The following F13B variants were observed in gnomAD, a reference collection of about 807,000 sequenced individuals.
F13B encodes coagulation factor XIII B chain.
A neutral mutation model predicts 79.8 loss-of-function variants in F13B; 58 were observed. The observed-to-expected ratio is 0.73, with a 90% CI of 0.59 to 0.90. The LOEUF (loss-of-function observed/expected upper bound fraction) is 0.90, where lower values mean the gene tolerates loss of function less well. F13B is among the 40% of genes least tolerant of loss of function. F13B has a pLI of 0.00. For synonymous variants in F13B, 283 were observed against 260.3 expected, an observed-to-expected ratio of 1.09 and a Z score of -0.84; for missense variants, 773 against 777.0, an observed-to-expected ratio of 0.99 and a Z score of 0.06.
rs1315186828 is a variant in F13B, at chr1:197,052,676, A to G, written c.1513T>C (p.Cys505Arg). The G allele has an allele frequency of 1.2e-6, 2 of 1,611,944 alleles. No individual in the cohort carries two copies. Among genetic ancestry groups the G allele is most frequent in the Non-Finnish European group, 8.5e-7 (1 of 1,178,754 alleles). Residue 505 changes from cysteine to arginine, a missense_variant, in exon 9 of 12, where the codon TGC becomes CGC. By Grantham distance (180) the Cys-to-Arg change is radical (BLOSUM62 -3). Coordinates refer to ENST00000367412, the MANE Select transcript of F13B (RefSeq NM_001994.3). ...LTPLSELSVQ[C>R]NRGEVKYPLC... ...GGATATTTCACTTCTCCTCTGTTGC[A>G]CTGCACAGATAATTCAGACAATGGG...
Position 197,060,513 on chromosome 1 carries a change from C to T in F13B, c.658G>A (p.Glu220Lys). 6.3e-7 allele frequency: 1 copy of T among 1,598,270 alleles called. No homozygotes were observed. Among genetic ancestry groups the T allele is most frequent in the African/African-American group, 1.3e-5 (1 of 74,360 alleles). The change falls in exon 5 of 12, where the codon GAA becomes AAA. Residue 220 changes from glutamate (E) to lysine (K), a missense_variant. Transcript: ENST00000367412. ...TTTACAGGATGAAAATAACCATTTT[C>T]AATTAATCTTAAAGAAGAGCACTTT... Reference protein sequence around the residue: ...KLKCSSLRLIENGYFHPVKQT... With the variant: ...KLKCSSLRLIKNGYFHPVKQT...
chr1:197,064,031 G>A (rs966056493), intron 1 of F13B, among the ~76,000 whole-genome samples: 2 of 152,044 alleles, frequency 1.3e-5, no homozygotes, highest in Admixed American at 1.3e-4. Flanking sequence ...TGGCAAAATA[G>A]GATATTTAAA....
At position 197,040,559 on chromosome 1, in the gene F13B, C is replaced by T. The variant is rs931543503; in HGVS notation, c.1915G>A (p.Gly639Arg). The T allele has an allele frequency of 1.9e-6, 3 of 1,612,556 alleles. No individual in the cohort carries two copies. The highest frequency in any genetic ancestry group is 2.2e-5 in the East Asian group (1 of 44,770). ...ATACATCTTGGATATTTTAACTGCC[C>T]TCTGTCACATTGCATTCTAAGTATA... ...GSILRMQCDRGQLKYPRCIPR... is the reference protein window; with the variant it reads ...GSILRMQCDRRQLKYPRCIPR... The change falls in exon 11 of 12, where the codon GGG becomes AGG. Residue 639 changes from glycine (G) to arginine (R), a missense_variant. Coordinates refer to ENST00000367412, the MANE Select transcript of F13B (RefSeq NM_001994.3).
intron 10 of F13B, among the ~76,000 whole-genome samples, chr1:197,041,762 C>A (rs1279936250): frequency 6.6e-6 from 1 of 152,160 alleles, no homozygotes; most frequent in Non-Finnish European, 1.5e-5. Context: ...CTCAACTAAA[C>A]ATTTATTATA....
At chr1:197,045,652 T>C (rs1056749161) in intron 10 of F13B, among the ~76,000 whole-genome samples, 36 of 152,134 alleles carry the variant, frequency 2.4e-4, no homozygotes, top group African/African-American at 8.7e-4. Context: ...CCTCCCTAAT[T>C]CATTTAATGA....
At chr1:197,046,566 C>T (rs1485327488) in intron 10 of F13B, among the ~76,000 whole-genome samples, 1 of 152,110 alleles carries the variant, frequency 6.6e-6, no homozygotes, top group Non-Finnish European at 1.5e-5. Flanking sequence ...GAATCAATAT[C>T]GTGAAAATGG....
In F13B at chr1:197,062,819, A is replaced by T. The variant is rs746335306; in HGVS notation, c.265+38T>A. 3.8e-6 allele frequency: 6 copies of T among 1,596,148 alleles called. No homozygotes were observed. The African/African-American group carries it at 5.4e-5, about 14-fold the overall frequency. ...CTATTTTTATATACAAATTTCTTTGAGTATTGAAACATTGAGTGACATATC... is the reference window on the plus strand; with the variant it reads ...CTATTTTTATATACAAATTTCTTTGTGTATTGAAACATTGAGTGACATATC... On this transcript the variant is annotated intron_variant, in intron 2 of 11. Transcript: ENST00000367412.
At chr1:197,047,472 A>T (rs1307475495) in intron 10 of F13B, among the ~76,000 whole-genome samples, 1 of 152,230 alleles carries the variant, frequency 6.6e-6, no homozygotes, top group Non-Finnish European at 1.5e-5. Context: ...AATGGCGATC[A>T]TTAAAATGTC....
In F13B at chr1:197,040,700, T is replaced by G. The variant is rs1558302023; in HGVS notation, c.1774A>C (p.Asn592His). 6.2e-7 allele frequency: 1 copy of G among 1,612,454 alleles called. No individual in the cohort carries two copies. The highest frequency in any genetic ancestry group is 1.1e-5 in the South Asian group (1 of 90,994). ...CTLSFTEMEKNNLLLKWDFDN... is the reference protein window; with the variant it reads ...CTLSFTEMEKHNLLLKWDFDN... ...AAATCCCATTTCAGAAGTAAATTAT[T>G]CTTTTCCATTTCAGTAAAAGATAAT... Residue 592 changes from asparagine to histidine, a missense_variant, in exon 11 of 12, where the codon AAT (asparagine) becomes CAT (histidine). Asn to His is a moderately conservative substitution (Grantham distance 68). Transcript: ENST00000367412.
At chr1:197,049,927 T>G (rs963315902) in intron 10 of F13B, among the ~76,000 whole-genome samples, 1 of 152,136 alleles carries the variant, frequency 6.6e-6, no homozygotes, top group Non-Finnish European at 1.5e-5. Flanking sequence ...GTAATAATTA[T>G]GTAATTATTT....
Position 197,057,015 on chromosome 1 carries a change from A to T in F13B, c.1169T>A (p.Val390Asp), listed in dbSNP as rs1457415327. Residue 390 changes from valine (V) to aspartate (D), a missense_variant and splice_region_variant, in exon 7 of 12, where the codon GTT becomes GAT. Val to Asp is a radical substitution (Grantham distance 152, BLOSUM62 -3). Transcript: ENST00000367412. ...RGKWTLPPEC[V>D]ENNENCKHPP... ...GATGGTAAATGTAGCATACATACCA[A>T]CACACTCAGGAGGAAGTGTCCATTT... 1.9e-6 allele frequency: 3 copies of T among 1,613,250 alleles called. No individual in the cohort carries two copies. The highest frequency in any genetic ancestry group is 1.3e-5 in the African/African-American group (1 of 74,916).
chr1:197,062,167 C>T (rs918422558), intron 2 of F13B, among the ~76,000 whole-genome samples, 198 bp from the exon 3 acceptor site: 23 of 151,948 alleles, frequency 1.5e-4, no homozygotes, highest in African/African-American at 5.3e-4. Context: ...GTAATTTCTA[C>T]CCCTACCACA....
intron 10 of F13B, among the ~76,000 whole-genome samples, chr1:197,046,247 A>G (rs989252787): frequency 6.6e-6 from 1 of 152,196 alleles, no homozygotes; most frequent in African/African-American, 2.4e-5. Flanking sequence ...AGATAACATG[A>G]TTATATATTT....
At chr1:197,049,621 GT>G (rs1655367532) in intron 10 of F13B, among the ~76,000 whole-genome samples, 4 of 151,976 alleles carry the variant, frequency 2.6e-5, no homozygotes, top group Non-Finnish European at 5.9e-5. Context: ...GGCTTCTCTG[GT>G]TAACTCTTAA....
In F13B at chr1:197,061,187, A is replaced by G. The variant is rs1615413; in HGVS notation, c.452-112T>C. 0.49 allele frequency: 289,019 copies of G among 587,850 alleles called. 76,099 individuals are homozygous for G. The highest frequency in any genetic ancestry group is 0.83 in the East Asian group (24,795 of 29,846). 36.4% of individuals were successfully genotyped at this position (587,850 alleles called of 1,614,324 possible). A position where few individuals can be genotyped will look rare whatever the true frequency, so the allele number is the denominator to read the frequency against. ...AGAATACATGGTAAAATCAACTCTTAGCAAAATTGAAAAATAGCCCCAATT... is the reference window on the plus strand; with the variant it reads ...AGAATACATGGTAAAATCAACTCTTGGCAAAATTGAAAAATAGCCCCAATT... On this transcript the variant is annotated intron_variant, in intron 3 of 11. Transcript: ENST00000367412.
chr1:197,049,382 T>G (rs1655358032), intron 10 of F13B, among the ~76,000 whole-genome samples: 2 of 152,148 alleles, frequency 1.3e-5, no homozygotes, highest in East Asian at 1.9e-4. Flanking sequence ...TCAAGACAGA[T>G]ACATATTAAT....
At chr1:197,063,578 CCA>C (rs1655945672) in intron 1 of F13B, among the ~76,000 whole-genome samples, 2 of 152,054 alleles carry the variant, frequency 1.3e-5, no homozygotes, top group Non-Finnish European at 2.9e-5. Flanking sequence ...CTTTGGCCTC[CCA>C]AAGCACTAGG....
At chr1:197,058,899 G>A (rs946001982) in intron 5 of F13B, among the ~76,000 whole-genome samples, 1 of 152,008 alleles carries the variant, frequency 6.6e-6, no homozygotes, top group Non-Finnish European at 1.5e-5. Context: ...TTGTCATGCT[G>A]GCTAATTTGG....
At chr1:197,065,425 A>G (rs370338771) in intron 1 of F13B, among the ~76,000 whole-genome samples, 1 of 152,200 alleles carries the variant, frequency 6.6e-6, no homozygotes, top group Admixed American at 6.5e-5. Context: ...AAAAAAGTAC[A>G]TGAAGCGATG....
Sources: gnomAD v4.1 joint callset for allele counts (sites outside exome capture counted in the v4.1 genomes callset) on GRCh38, gnomAD v4.1.1 for gene constraint, MANE v1.5 for transcripts, NCBI Gene and HGNC (gene_info 2026-07-23, HGNC 2026-07-21) for gene names.